Variants in RARB observed in about 807,000 individuals in gnomAD.
The protein encoded by RARB is HBV-activated protein.
Under a neutral mutation model 51.9 loss-of-function variants are expected in RARB, and 17 were observed. The ratio of observed to expected loss-of-function variants is 0.33; its 90% CI spans 0.22 to 0.49. The LOEUF (loss-of-function observed/expected upper bound fraction) is 0.49. Ranked by LOEUF, RARB falls within the 20% of genes least tolerant of loss-of-function variation. The pLI is 0.99. For synonymous variants in RARB, 215 were observed against 195.4 expected, an observed-to-expected ratio of 1.10 and a Z score of -0.84; for missense variants, 369 against 550.8, an observed-to-expected ratio of 0.67 and a Z score of 3.30.
At chr3:25,479,998 G>A (rs1696148105) in intron 2 of RARB, among the ~76,000 whole-genome samples, 1 of 152,214 alleles carries the variant, frequency 6.6e-6, no homozygotes, top group African/African-American at 2.4e-5. Flanking sequence ...GTTTGGAAGT[G>A]AGAGATTTGC....
chr3:25,151,076 T>C (rs561533250), intron 4 of RARB, among the ~76,000 whole-genome samples: 1 of 152,334 alleles, frequency 6.6e-6, no homozygotes, highest in East Asian at 1.9e-4. Flanking sequence ...CCTGGAAAAC[T>C]CATTTTGTGT....
At chr3:24,929,054 A>G (rs1389467014) in intron 2 of RARB, among the ~76,000 whole-genome samples, 1 of 152,104 alleles carries the variant, frequency 6.6e-6, no homozygotes, top group Non-Finnish European at 1.5e-5. Flanking sequence ...AAAAAGCTTT[A>G]GAAAAGATAT....
intron 4 of RARB, 82 bp from the exon 5 acceptor site, chr3:25,580,464 C>G (rs1701127255): frequency 7.5e-7 from 1 of 1,330,822 alleles, no homozygotes; most frequent in Non-Finnish European, 1.0e-6. Flanking sequence ...GTCACCCCCT[C>G]TAATTGGAAA....
chr3:25,057,493 A>C (rs563372260), intron 2 of RARB, among the ~76,000 whole-genome samples: 51 of 152,184 alleles, frequency 3.4e-4, no homozygotes, highest in African/African-American at 1.2e-3. Flanking sequence ...TAGAAAAATA[A>C]AGCTTCAATT....
At chr3:24,959,137 C>G (rs1696084926) in intron 2 of RARB, among the ~76,000 whole-genome samples, 1 of 152,234 alleles carries the variant, frequency 6.6e-6, no homozygotes, top group African/African-American at 2.4e-5. Context: ...AAGTGGTAAA[C>G]AGCTGAGTGG....
At chr3:25,508,707 A>G (rs960868712) in intron 3 of RARB, among the ~76,000 whole-genome samples, 3 of 152,098 alleles carry the variant, frequency 2.0e-5, no homozygotes, top group African/African-American at 4.8e-5. Flanking sequence ...AGAAACTACC[A>G]TTAACCCCCA....
At chr3:24,999,358 T>C (rs1697109642) in intron 2 of RARB, among the ~76,000 whole-genome samples, 1 of 152,130 alleles carries the variant, frequency 6.6e-6, no homozygotes, top group South Asian at 2.1e-4. Flanking sequence ...TCCATGCATA[T>C]CAGATTTTGC....
intron 2 of RARB, among the ~76,000 whole-genome samples, chr3:24,998,143 AT>A (rs1357305422): frequency 6.6e-6 from 1 of 152,036 alleles, no homozygotes; most frequent in African/African-American, 2.4e-5. Context: ...CCATTTCAAT[AT>A]TCATTTTAGC....
At chr3:25,437,907 A>G (rs558901198) in intron 1 of RARB, among the ~76,000 whole-genome samples, 58 of 152,354 alleles carry the variant, frequency 3.8e-4, no homozygotes, top group African/African-American at 1.4e-3. Context: ...TTTAAAAATC[A>G]CTTATTTCTC....
At chr3:25,331,361 A>T (rs1460022659) in intron 5 of RARB, among the ~76,000 whole-genome samples, 1 of 152,230 alleles carries the variant, frequency 6.6e-6, no homozygotes, top group African/African-American at 2.4e-5. Flanking sequence ...AGAACTCAGG[A>T]TTAAGAAACT....
intron 5 of RARB, among the ~76,000 whole-genome samples, chr3:25,360,027 C>T (rs1705877553): frequency 6.6e-6 from 1 of 152,166 alleles, no homozygotes; most frequent in Non-Finnish European, 1.5e-5. Flanking sequence ...TCCTGAATAT[C>T]CTTGTTAATA....
At position 25,572,942 on chromosome 3, in the gene RARB, G is replaced by A. The variant is rs113305782; in HGVS notation, c.609+3024G>A. Among the ~76,000 whole-genome samples, 284 of 152,214 alleles carry A rather than the reference G, an allele frequency of 1.9e-3. 2 individuals carry two copies. The highest frequency in any genetic ancestry group is 6.5e-3 in the African/African-American group (269 of 41,538). ...ACAAACACAACGTACAGCATTTGCCGCTCCTGGAACATGCGCCCTGGTGTG... is the reference window on the plus strand; with the variant it reads ...ACAAACACAACGTACAGCATTTGCCACTCCTGGAACATGCGCCCTGGTGTG... On this transcript the variant is annotated intron_variant, in intron 4 of 7. Transcript: ENST00000330688.
chr3:25,243,669 G>A (rs146287992), intron 5 of RARB, among the ~76,000 whole-genome samples: 9 of 152,168 alleles, frequency 5.9e-5, no homozygotes, highest in African/African-American at 1.9e-4. Flanking sequence ...TGACTTGGTC[G>A]TGGTGGATAA....
At chr3:25,435,519 G>GC (rs1345857441) in intron 1 of RARB, among the ~76,000 whole-genome samples, 1 of 152,150 alleles carries the variant, frequency 6.6e-6, no homozygotes, top group East Asian at 1.9e-4. Flanking sequence ...TTTTTTAGGG[G>GC]CTGGTCTATT....
At chr3:25,085,461 T>C (rs1699088467) in intron 3 of RARB, among the ~76,000 whole-genome samples, 1 of 152,162 alleles carries the variant, frequency 6.6e-6, no homozygotes, top group Admixed American at 6.6e-5. Flanking sequence ...CTTGGTCTAA[T>C]TGTGTTTTAC....
intron 3 of RARB, among the ~76,000 whole-genome samples, chr3:25,070,124 C>T (rs1245291137): frequency 6.6e-6 from 1 of 152,160 alleles, no homozygotes; most frequent in African/African-American, 2.4e-5. Flanking sequence ...CTTGGCTTTG[C>T]AACTCTATTA....
chr3:24,867,595 T>C lies in RARB; in HGVS notation c.-380+8843T>C, dbSNP rs950691752. ...GCCCAGTGGAAATTACTTACCCTTC[T>C]GTAGGGGAGGGAGCCTTTGGTCTCA... On this transcript the variant is annotated intron_variant, in intron 2 of 11. Transcript: ENST00000383772. Among the ~76,000 whole-genome samples the C allele has an allele frequency of 6.7e-4, 102 of 152,108 alleles. 3 individuals are homozygous for C. Among genetic ancestry groups the C allele is most frequent in the Non-Finnish European group, 1.9e-4 (13 of 68,000 alleles).
At chr3:25,474,086 A>G (rs73820498) in intron 2 of RARB, among the ~76,000 whole-genome samples, 2,132 of 152,236 alleles carry the variant, frequency 0.014, 58 homozygotes, top group African/African-American at 0.049. Context: ...GGTTAAACAA[A>G]TTTGGAGAAA....
At chr3:24,966,275 A>T (rs943489321) in intron 2 of RARB, among the ~76,000 whole-genome samples, 3 of 152,132 alleles carry the variant, frequency 2.0e-5, no homozygotes, top group Admixed American at 2.0e-4. Flanking sequence ...GGTCAGCCTA[A>T]GGGTAAGATT....
Sources: gnomAD v4.1 joint callset for allele counts (sites outside exome capture counted in the v4.1 genomes callset) on GRCh38, gnomAD v4.1.1 for gene constraint, MANE v1.5 for transcripts, NCBI Gene and HGNC (gene_info 2026-07-23, HGNC 2026-07-21) for gene names.